SIPA1L2: variants seen among roughly 807,000 people sequenced by gnomAD.
SIPA1L2 encodes signal-induced proliferation-associated 1-like protein 2.
A neutral mutation model predicts 163.9 loss-of-function variants in SIPA1L2; 56 were observed. The ratio of observed to expected loss-of-function variants is 0.34; its 90% CI spans 0.28 to 0.43. The LOEUF is 0.43. SIPA1L2 is among the 20% of genes least tolerant of loss of function. The probability of loss-of-function intolerance (pLI) is 1.00; values close to 1 mark genes in which losing one functional copy is unlikely to be tolerated. For synonymous variants in SIPA1L2, 877 were observed against 865.7 expected (o/e 1.01, Z -0.23); for missense variants, 1,974 against 2,193.5 (o/e 0.90, Z 2.00).
chr1:232,488,548 T>C (rs538303881), intron 5 of SIPA1L2, among the ~76,000 whole-genome samples: 1 of 152,342 alleles, frequency 6.6e-6, no homozygotes, highest in Non-Finnish European at 1.5e-5. Context: ...GGAGTTAAAA[T>C]GGCACAGTGT....
intron 12 of SIPA1L2, among the ~76,000 whole-genome samples, chr1:232,442,359 C>T (rs1197504916): frequency 6.6e-6 from 1 of 151,546 alleles, no homozygotes; most frequent in Non-Finnish European, 1.5e-5. Context: ...ACCAGCCTGG[C>T]CAACATGGTG....
intron 1 of SIPA1L2, among the ~76,000 whole-genome samples, chr1:232,579,414 A>G (rs939786868): frequency 2.6e-5 from 4 of 152,230 alleles, no homozygotes; most frequent in African/African-American, 7.2e-5. Context: ...AGCAAGGTCC[A>G]GTTCATGACC....
rs750877084 is a variant in SIPA1L2 at position 232,399,166 on chromosome 1, G to A, written c.5130C>T (p.Phe1710=). The change falls in exon 23 of 23, where the codon TTC becomes TTT. Residue 1710 remains phenylalanine, a synonymous_variant. Transcript: ENST00000674635. ...SQTATAQLRK[F]TEWFFTTIDK... The stretch of plus-strand genomic sequence containing the variant: ...CGATGGTGGTGAAAAACCATTCTGT[G>A]AATTTCCGCAGCTGAGCTGTCGCGG... 6.2e-7 allele frequency: 1 copy of A among 1,614,090 alleles called. No homozygotes were observed. The highest frequency in any genetic ancestry group is 1.1e-5 in the South Asian group (1 of 91,070).
At chr1:232,471,616 G>T in intron 7 of SIPA1L2, 88 bp from the exon 8 acceptor site, 1 of 1,211,882 alleles carries the variant, frequency 8.3e-7, no homozygotes, top group Non-Finnish European at 1.1e-6. Context: ...ATTTGAAGGA[G>T]TGATTTTTAA....
At chr1:232,491,653 A>C (rs1392322330) in intron 4 of SIPA1L2, among the ~76,000 whole-genome samples, 1 of 152,156 alleles carries the variant, frequency 6.6e-6, no homozygotes, top group Admixed American at 6.5e-5. Flanking sequence ...GAAACATGCA[A>C]TGAATATTTG....
At chr1:232,582,348 C>T (rs1290944313) in intron 1 of SIPA1L2, among the ~76,000 whole-genome samples, 1 of 152,062 alleles carries the variant, frequency 6.6e-6, no homozygotes, top group African/African-American at 2.4e-5. Context: ...ATCTTATTCC[C>T]ATGTTTACAT....
intron 10 of SIPA1L2, among the ~76,000 whole-genome samples, chr1:232,446,995 G>C (rs1389669433): frequency 6.6e-6 from 1 of 152,180 alleles, no homozygotes; most frequent in African/African-American, 2.4e-5. Context: ...TTGGGTATAT[G>C]AATCTATGTT....
rs1184648405 is a variant in SIPA1L2, at chr1:232,415,568, C to G, written c.4688G>C (p.Gly1563Ala). The G allele has an allele frequency of 6.2e-7, 1 of 1,613,834 alleles. No homozygotes were observed. The highest frequency in any genetic ancestry group is 8.5e-7 in the Non-Finnish European group (1 of 1,179,942). Residue 1563 changes from glycine (G) to alanine (A), a missense_variant, in exon 19 of 23, where the codon GGC (glycine) becomes GCC (alanine). Coordinates refer to ENST00000674635, the MANE Select transcript of SIPA1L2 (RefSeq NM_020808.5). The stretch of plus-strand genomic sequence containing the variant: ...GGCTGTGTCCGGGAGGGGCATCAGG[C>G]CAGGATCTGCGCACTTGGACTTATC... ...LSDKSKCADP[G>A]LMPLPDTATG...
At chr1:232,581,720 A>C (rs1297377354) in intron 1 of SIPA1L2, among the ~76,000 whole-genome samples, 1 of 151,748 alleles carries the variant, frequency 6.6e-6, no homozygotes, top group African/African-American at 2.4e-5. Flanking sequence ...CAACTTCCCT[A>C]CCTGACAGTC....
chr1:232,523,540 C>T (rs1039261638), intron 2 of SIPA1L2, among the ~76,000 whole-genome samples: 3 of 152,126 alleles, frequency 2.0e-5, no homozygotes, highest in Non-Finnish European at 2.9e-5. Context: ...ATAGACTGTA[C>T]TTATTAATTT....
At chr1:232,595,243 G>A (rs1242878582) in intron 1 of SIPA1L2, among the ~76,000 whole-genome samples, 2 of 152,062 alleles carry the variant, frequency 1.3e-5, no homozygotes, top group East Asian at 3.9e-4. Flanking sequence ...TGCATACAAA[G>A]AATACTTACC....
chr1:232,492,560 T>C (rs1180366817), intron 4 of SIPA1L2, among the ~76,000 whole-genome samples: 2 of 152,312 alleles, frequency 1.3e-5, no homozygotes, highest in South Asian at 2.1e-4. Flanking sequence ...TAGCTATACA[T>C]GTTGTATAAT....
chr1:232,454,340 T>A (rs1663766287), intron 10 of SIPA1L2, among the ~76,000 whole-genome samples: 1 of 152,226 alleles, frequency 6.6e-6, no homozygotes. Flanking sequence ...CACTTACTAA[T>A]TCATCAGCTT....
intron 18 of SIPA1L2, among the ~76,000 whole-genome samples, chr1:232,422,955 C>A (rs980143856): frequency 1.3e-5 from 2 of 152,148 alleles, no homozygotes; most frequent in Non-Finnish European, 2.9e-5. Context: ...TTGAGTAGAT[C>A]TTAATGGTGC....
chr1:232,591,285 G>A (rs746511688), intron 1 of SIPA1L2, among the ~76,000 whole-genome samples: 7 of 152,228 alleles, frequency 4.6e-5, no homozygotes, highest in Non-Finnish European at 7.3e-5. Flanking sequence ...TAATTTAGCT[G>A]TTTATATTTC....
chr1:232,423,053 G>T (rs892004569), intron 18 of SIPA1L2, among the ~76,000 whole-genome samples: 3 of 152,284 alleles, frequency 2.0e-5, no homozygotes, highest in Middle Eastern at 6.8e-3. Context: ...ATGACACTCT[G>T]TCGCAATGCT....
intron 3 of SIPA1L2, among the ~76,000 whole-genome samples, chr1:232,500,435 G>A (rs1666409733): frequency 1.3e-5 from 2 of 152,216 alleles, no homozygotes; most frequent in Admixed American, 6.5e-5. Context: ...CATTAAGAAC[G>A]TTTATGATTC....
At chr1:232,487,388 T>C (rs942996631) in intron 5 of SIPA1L2, among the ~76,000 whole-genome samples, 6 of 152,192 alleles carry the variant, frequency 3.9e-5, no homozygotes, top group African/African-American at 1.4e-4. Context: ...TCTCATTTAT[T>C]TAGACCTGCT....
chr1:232,547,573 G>T (rs1308159743), intron 2 of SIPA1L2, among the ~76,000 whole-genome samples: 1 of 149,092 alleles, frequency 6.7e-6, no homozygotes, highest in Admixed American at 6.7e-5. Context: ...CCCGGGGTGG[G>T]GGCTGGGTGG....
Sources: gnomAD v4.1 joint callset for allele counts (sites outside exome capture counted in the v4.1 genomes callset) on GRCh38, gnomAD v4.1.1 for gene constraint, MANE v1.5 for transcripts, NCBI Gene and HGNC (gene_info 2026-07-23, HGNC 2026-07-21) for gene names.